TCF12: variants seen among roughly 807,000 people sequenced by gnomAD.
TCF12 encodes the protein DNA-binding protein HTF4.
A neutral mutation model predicts 86.0 loss-of-function variants in TCF12; 45 were observed. The observed-to-expected ratio is 0.52, with a 90% CI of 0.41 to 0.67. The LOEUF is 0.67. Among genes scored for constraint, TCF12 ranks in the 30% least tolerant of loss-of-function variants. The pLI, the probability that TCF12 is intolerant of heterozygous loss-of-function variation, is 0.00. For synonymous variants in TCF12, 330 were observed against 299.6 expected, an observed-to-expected ratio of 1.10 and a Z score of -1.05; for missense variants, 881 against 859.9, an observed-to-expected ratio of 1.02 and a Z score of -0.31.
At chr15:57,220,730 A>G (rs1273087239) in intron 8 of TCF12, among the ~76,000 whole-genome samples, 2 of 152,152 alleles carry the variant, frequency 1.3e-5, no homozygotes, top group African/African-American at 2.4e-5. Flanking sequence ...GAAAGTTTCA[A>G]TAGGAGCTAT....
chr15:57,251,975 A>G (rs2060137646), intron 14 of TCF12, among the ~76,000 whole-genome samples: 1 of 152,216 alleles, frequency 6.6e-6, no homozygotes, highest in Non-Finnish European at 1.5e-5. Flanking sequence ...GGAACCTTCT[A>G]GATATTTGAG....
At chr15:57,270,943 G>A (rs571906897) in intron 18 of TCF12, among the ~76,000 whole-genome samples, 50 of 152,224 alleles carry the variant, frequency 3.3e-4, no homozygotes, top group Non-Finnish European at 6.9e-4. Flanking sequence ...TGGAAGCTTC[G>A]TCCCAGAGGG....
At chr15:57,270,262 ACT>A (rs2061072091) in intron 18 of TCF12, among the ~76,000 whole-genome samples, 1 of 151,154 alleles carries the variant, frequency 6.6e-6, no homozygotes, top group Non-Finnish European at 1.5e-5. Flanking sequence ...ATTTGTTTTC[ACT>A]CTTTTTTCTC....
intron 5 of TCF12, among the ~76,000 whole-genome samples, chr15:57,145,470 T>G (rs1254421438): frequency 6.6e-6 from 1 of 151,938 alleles, no homozygotes; most frequent in African/African-American, 2.4e-5. Context: ...GCACAGTAAA[T>G]GTAGTTTGAA....
intron 5 of TCF12, among the ~76,000 whole-genome samples, chr15:57,110,435 A>G (rs1160038302): frequency 2.0e-5 from 3 of 152,178 alleles, no homozygotes; most frequent in African/African-American, 7.2e-5. Flanking sequence ...CCTAATGTGT[A>G]TCACATTTTC....
At chr15:56,997,576 A>G (rs1455335781) in intron 3 of TCF12, among the ~76,000 whole-genome samples, 4 of 152,224 alleles carry the variant, frequency 2.6e-5, no homozygotes, top group African/African-American at 4.8e-5. Context: ...AGCACCATCC[A>G]GTATACCTAT....
At chr15:57,038,928 A>G (rs1212972813) in intron 3 of TCF12, among the ~76,000 whole-genome samples, 2 of 152,210 alleles carry the variant, frequency 1.3e-5, no homozygotes. Flanking sequence ...GACACGGGAT[A>G]GATAGATGAC....
chr15:57,074,906 G>T (rs1596399083), intron 4 of TCF12, among the ~76,000 whole-genome samples: 1 of 152,260 alleles, frequency 6.6e-6, no homozygotes, highest in East Asian at 1.9e-4. Context: ...TAGGCCAAAG[G>T]ATTGGTGTCA....
intron 19 of TCF12, among the ~76,000 whole-genome samples, chr15:57,276,923 G>A (rs2061425404): frequency 6.7e-6 from 1 of 149,700 alleles, no homozygotes; most frequent in Non-Finnish European, 1.5e-5. Flanking sequence ...TCCTGCCTCT[G>A]CCTCCTCCAT....
intron 8 of TCF12, among the ~76,000 whole-genome samples, chr15:57,216,917 C>A (rs1248156327): frequency 1.3e-5 from 2 of 151,956 alleles, no homozygotes; most frequent in African/African-American, 4.8e-5. Context: ...TAGATTACCA[C>A]CAGTTTTGTT....
At chr15:56,959,331 A>G (rs1281505186) in intron 3 of TCF12, among the ~76,000 whole-genome samples, 1 of 152,214 alleles carries the variant, frequency 6.6e-6, no homozygotes, top group Non-Finnish European at 1.5e-5. Context: ...GCTTTCTAAC[A>G]GTAGGATATA....
chr15:57,064,586 G>T (rs575558314), intron 4 of TCF12, among the ~76,000 whole-genome samples: 2 of 152,140 alleles, frequency 1.3e-5, no homozygotes, highest in Admixed American at 6.6e-5. Flanking sequence ...CTACAAGTCA[G>T]AAGTTCGAGT....
At chr15:57,003,475 T>C (rs1368814019) in intron 3 of TCF12, among the ~76,000 whole-genome samples, 2 of 152,206 alleles carry the variant, frequency 1.3e-5, no homozygotes, top group Non-Finnish European at 2.9e-5. Context: ...AGGTTTCTTG[T>C]GCTTGAGAAC....
At chr15:57,147,878 T>C (rs1214553865) in intron 5 of TCF12, among the ~76,000 whole-genome samples, 1 of 142,722 alleles carries the variant, frequency 7.0e-6, no homozygotes, top group African/African-American at 2.8e-5. Context: ...CAAGGGAAAC[T>C]AGACTTTTTT....
intron 5 of TCF12, among the ~76,000 whole-genome samples, chr15:57,116,276 A>G (rs2050829878): frequency 6.6e-6 from 1 of 152,196 alleles, no homozygotes; most frequent in South Asian, 2.1e-4. Context: ...TTCCTTATGT[A>G]GCTGACTTTC....
chr15:57,018,400 A>G (rs1401390788), intron 3 of TCF12, among the ~76,000 whole-genome samples: 1 of 152,254 alleles, frequency 6.6e-6, no homozygotes, highest in Non-Finnish European at 1.5e-5. Flanking sequence ...CTCAAGAGGC[A>G]GGAAGTAGGA....
intron 3 of TCF12, among the ~76,000 whole-genome samples, chr15:57,027,967 T>C (rs1447954889): frequency 6.7e-6 from 1 of 149,786 alleles, no homozygotes; most frequent in Non-Finnish European, 1.5e-5. Context: ...CCTATGTTTC[T>C]TTTTTTTTTC....
intron 4 of TCF12, among the ~76,000 whole-genome samples, chr15:57,067,305 C>A (rs1034808871): frequency 6.6e-6 from 1 of 151,970 alleles, no homozygotes; most frequent in African/African-American, 2.4e-5. Flanking sequence ...CTTTGGGAGG[C>A]CGAGGCGGGC....
intron 3 of TCF12, among the ~76,000 whole-genome samples, chr15:57,028,938 C>A (rs190451471): frequency 3.5e-3 from 526 of 152,140 alleles, no homozygotes; most frequent in African/African-American, 0.012. Flanking sequence ...GCTGGAATTA[C>A]AGGTGTGCGC....
Sources: allele counts gnomAD v4.1 joint callset (sites outside exome capture counted in the v4.1 genomes callset), GRCh38; gene constraint gnomAD v4.1.1; transcripts MANE v1.5; gene names NCBI Gene and HGNC (gene_info 2026-07-23, HGNC 2026-07-21).